OSBPL1A: variants seen among roughly 807,000 people sequenced by gnomAD.
OSBPL1A encodes the protein oxysterol binding protein like 1A.
OSBPL1A carries 80 observed loss-of-function variants against 137.1 expected under a neutral mutation model. That is an observed-to-expected ratio of 0.58 (90% CI 0.49 to 0.70). OSBPL1A has a LOEUF of 0.70. Ranked by LOEUF, OSBPL1A falls within the 30% of genes least tolerant of loss-of-function variation. The probability of loss-of-function intolerance (pLI) is 0.00; values close to 1 mark genes in which losing one functional copy is unlikely to be tolerated. For synonymous variants in OSBPL1A, 365 were observed against 389.7 expected (o/e 0.94, Z 0.75); for missense variants, 970 against 1,129.4 (o/e 0.86, Z 2.02).
intron 1 of OSBPL1A, among the ~76,000 whole-genome samples, chr18:24,397,359 T>C (rs1476008018): frequency 6.6e-6 from 1 of 152,202 alleles, no homozygotes; most frequent in Non-Finnish European, 1.5e-5. Context: ...AGGGGATGCA[T>C]GCGGCACCAG....
At chr18:24,250,364 C>T (rs944174439) in intron 15 of OSBPL1A, among the ~76,000 whole-genome samples, 3 of 151,958 alleles carry the variant, frequency 2.0e-5, no homozygotes, top group South Asian at 2.1e-4. Flanking sequence ...TTAGTAGAGA[C>T]GGGGTTTTGC....
At chr18:24,175,134 A>ATATATG in intron 21 of OSBPL1A, among the ~76,000 whole-genome samples, 1 of 123,314 alleles carries the variant, frequency 8.1e-6, no homozygotes, top group African/African-American at 3.3e-5. Flanking sequence ...ATATATATAT[A>ATATATG]TACACATATA....
At chr18:24,346,367 G>C (rs2091345169) in intron 4 of OSBPL1A, among the ~76,000 whole-genome samples, 1 of 152,098 alleles carries the variant, frequency 6.6e-6, no homozygotes, top group African/African-American at 2.4e-5. Context: ...GCACAATTCT[G>C]TGGCTTTGAG....
intron 2 of OSBPL1A, among the ~76,000 whole-genome samples, chr18:24,376,618 T>C: frequency 6.6e-6 from 1 of 152,084 alleles, no homozygotes; most frequent in Non-Finnish European, 1.5e-5. Context: ...GACTGGGCGC[T>C]GTGGAGCAGG....
chr18:24,217,231 T>C (rs111693584), intron 17 of OSBPL1A, among the ~76,000 whole-genome samples: 1 of 151,718 alleles, frequency 6.6e-6, no homozygotes, highest in Non-Finnish European at 1.5e-5. Context: ...AGGAAGCTCT[T>C]CTTTATTTTT....
chr18:24,354,011 T>C (rs913420990), intron 4 of OSBPL1A, among the ~76,000 whole-genome samples: 3 of 151,880 alleles, frequency 2.0e-5, no homozygotes, highest in African/African-American at 7.3e-5. Context: ...GGCACATGTA[T>C]ACATATGTAA....
chr18:24,306,157 C>G (rs1011946270), intron 13 of OSBPL1A, among the ~76,000 whole-genome samples: 3 of 152,102 alleles, frequency 2.0e-5, no homozygotes, highest in Non-Finnish European at 4.4e-5. Context: ...ACAAAGCACA[C>G]AAGAACAAGG....
At chr18:24,323,323 T>C (rs2146128584) in intron 7 of OSBPL1A, among the ~76,000 whole-genome samples, 1 of 146,834 alleles carries the variant, frequency 6.8e-6, no homozygotes, top group Middle Eastern at 3.9e-3. Flanking sequence ...GAGGCTGAGG[T>C]GGGTGGATCG....
chr18:24,234,134 T>C lies in OSBPL1A; in HGVS notation c.1444+5086A>G, dbSNP rs375984422. On this transcript the variant is annotated intron_variant, in intron 16 of 27. Transcript: ENST00000319481. ...ACAACACTGATAGGGTAGAAATATA[T>C]ATGAATATATATGAAGAACCACTTT... is the stretch of plus-strand genomic sequence containing the variant. Among the ~76,000 whole-genome samples the C allele has an allele frequency of 1.1e-4, 16 of 152,246 alleles. No individual in the cohort carries two copies. The South Asian group carries it at 3.3e-3, about 32-fold the overall frequency.
At chr18:24,375,003 C>A (rs1434047597) in intron 2 of OSBPL1A, among the ~76,000 whole-genome samples, 1 of 152,024 alleles carries the variant, frequency 6.6e-6, no homozygotes, top group Non-Finnish European at 1.5e-5. Context: ...GAGATCAAGA[C>A]TTTATCAAAA....
Position 24,341,594 on chromosome 18 carries a change from G to T in OSBPL1A, c.347C>A (p.Thr116Lys). The T allele has an allele frequency of 6.2e-7, 1 of 1,613,308 alleles. No individual in the cohort carries two copies. The highest frequency in any genetic ancestry group is 8.5e-7 in the Non-Finnish European group (1 of 1,179,658). ...TTCAGCATGAGTAACTTCTTTTGCT[G>T]TCTGTCCACTCCCATTAACAATAGT... The part of the protein sequence containing the change: ...DTTIVNGSGQ[T>K]AKEVTHAEEI... The change falls in exon 5 of 28, where the codon ACA becomes AAA. Residue 116 changes from threonine (T) to lysine (K), a missense_variant. Thr to Lys is a moderately conservative substitution (Grantham distance 78). Around this residue, in one of 2 missense-constraint regions of OSBPL1A, gnomAD observed 647 missense variants for 672.6 expected, o/e 0.96. Coordinates refer to ENST00000319481, the MANE Select transcript of OSBPL1A (RefSeq NM_080597.4).
At chr18:24,186,454 A>G (rs1232655576) in intron 18 of OSBPL1A, among the ~76,000 whole-genome samples, 1 of 152,236 alleles carries the variant, frequency 6.6e-6, no homozygotes, top group Non-Finnish European at 1.5e-5. Context: ...TTATAAACAT[A>G]GAAACAAATG....
At chr18:24,371,319 TCTC>T (rs1905617363) in intron 2 of OSBPL1A, among the ~76,000 whole-genome samples, 1 of 152,116 alleles carries the variant, frequency 6.6e-6, no homozygotes, top group Non-Finnish European at 1.5e-5. Flanking sequence ...CCTTCACTAG[TCTC>T]CTCAAGCCTT....
At chr18:24,344,585 G>T (rs2091316113) in intron 4 of OSBPL1A, among the ~76,000 whole-genome samples, 2 of 152,218 alleles carry the variant, frequency 1.3e-5, no homozygotes, top group African/African-American at 4.8e-5. Context: ...TAGGGAGCAG[G>T]TGCTGGAGGA....
At chr18:24,246,201 A>G (rs975456334) in intron 15 of OSBPL1A, among the ~76,000 whole-genome samples, 1 of 151,980 alleles carries the variant, frequency 6.6e-6, no homozygotes, top group South Asian at 2.1e-4. Flanking sequence ...AACAAGAGCG[A>G]AACCCCGTCT....
intron 3 of OSBPL1A, among the ~76,000 whole-genome samples, 193 bp from the exon 4 acceptor site, chr18:24,367,159 G>A (rs976103413): frequency 6.6e-6 from 1 of 151,942 alleles, no homozygotes; most frequent in Admixed American, 6.6e-5. Flanking sequence ...CTACTTGGGA[G>A]GCTGAGGCAG....
intron 14 of OSBPL1A, among the ~76,000 whole-genome samples, chr18:24,282,476 C>T (rs1329768600): frequency 6.6e-6 from 1 of 151,786 alleles, no homozygotes; most frequent in African/African-American, 2.4e-5. Context: ...TTTAAGTTGG[C>T]AATAAAGAAA....
chr18:24,170,285 G>A, intron 24 of OSBPL1A, 42 bp downstream of exon 24: 2 of 1,611,218 alleles, frequency 1.2e-6, no homozygotes, highest in Non-Finnish European at 1.7e-6. Flanking sequence ...ACACATTGAA[G>A]AATCCAGTTA....
chr18:24,385,715 T>C (rs983336214), intron 1 of OSBPL1A, among the ~76,000 whole-genome samples: 4 of 152,004 alleles, frequency 2.6e-5, no homozygotes, highest in African/African-American at 9.7e-5. Context: ...TCCAAGAGTA[T>C]CTCCAGTGGA....
Sources: allele counts gnomAD v4.1 joint callset (sites outside exome capture counted in the v4.1 genomes callset), GRCh38; gene constraint gnomAD v4.1.1; regional missense constraint gnomAD v4.1.1; transcripts MANE v1.5; gene names NCBI Gene and HGNC (gene_info 2026-07-23, HGNC 2026-07-21).